Variants in PDZD2 observed in about 807,000 individuals in gnomAD.
PDZD2 encodes PDZ domain containing 2, also known as PDZ domain-containing protein 2.
A neutral mutation model predicts 220.7 loss-of-function variants in PDZD2; 90 were observed. That is an observed-to-expected ratio of 0.41 (90% CI 0.34 to 0.49). The LOEUF is 0.49. Among genes scored for constraint, PDZD2 ranks in the 20% least tolerant of loss-of-function variants. The probability of loss-of-function intolerance (pLI) is 0.28; values close to 1 mark genes in which losing one functional copy is unlikely to be tolerated. For synonymous variants in PDZD2, 1,375 were observed against 1,450.5 expected (o/e 0.95, Z 1.18); for missense variants, 3,174 against 3,608.5 (o/e 0.88, Z 3.08).
In PDZD2 at chr5:32,053,877, A is replaced by C. The variant is rs1471100515; in HGVS notation, c.1894A>C (p.Lys632Gln). 2 of 1,576,414 alleles carry C rather than the reference A, an allele frequency of 1.3e-6. No individual in the cohort carries two copies. Among genetic ancestry groups the C allele is most frequent in the Non-Finnish European group, 8.7e-7 (1 of 1,145,730 alleles). The change falls in exon 10 of 25, where the codon AAA becomes CAA. Residue 632 changes from lysine to glutamine, a missense_variant. By Grantham distance (53) the Lys-to-Gln change is moderately conservative. Around this residue, in one of 4 missense-constraint regions of PDZD2, gnomAD observed 50 missense variants for 109.5 expected, o/e 0.46. Transcript: ENST00000438447. ...NGSAAEDGRLKEGDEILDVNG... is the reference protein window; with the variant it reads ...NGSAAEDGRLQEGDEILDVNG... ...ATCAGCTGCAGAGGACGGAAGACTTAAAGAAGGTAGGGGAAAGCCTCTTGT... is the reference window on the plus strand; with the variant it reads ...ATCAGCTGCAGAGGACGGAAGACTTCAAGAAGGTAGGGGAAAGCCTCTTGT...
chr5:32,074,071 C>T lies in PDZD2; in HGVS notation c.2965C>T (p.Leu989Phe). The T allele has an allele frequency of 1.2e-6, 2 of 1,614,220 alleles. No homozygotes were observed. The highest frequency in any genetic ancestry group is 2.2e-5 in the East Asian group (1 of 44,884). The change falls in exon 18 of 25, where the codon CTC becomes TTC. Residue 989 changes from leucine to phenylalanine, a missense_variant. By Grantham distance (22) the Leu-to-Phe change is conservative. This residue lies in a region of PDZD2 where 1,861 missense variants were observed against 2,001.0 expected (regional missense o/e 0.93). Coordinates refer to ENST00000438447, the MANE Select transcript of PDZD2 (RefSeq NM_178140.4). Reference sequence around the variant, plus strand: ...GGACTGCATTTCACTCCCAGGGGCCCTCCCGGGTCCCATCAGGCCTCTGTC... The same window carrying T: ...GGACTGCATTTCACTCCCAGGGGCCTTCCCGGGTCCCATCAGGCCTCTGTC... The part of the protein sequence containing the change: ...EGDCISLPGA[L>F]PGPIRPLSED...
chr5:31,792,909 G>A (rs1460212109), intron 1 of PDZD2, among the ~76,000 whole-genome samples: 6 of 151,970 alleles, frequency 3.9e-5, no homozygotes. Flanking sequence ...TGTGATCTCA[G>A]GTCACTGCAG....
intron 2 of PDZD2, among the ~76,000 whole-genome samples, chr5:31,898,984 C>A (rs1398898902): frequency 6.6e-6 from 1 of 151,504 alleles, no homozygotes; most frequent in Non-Finnish European, 1.5e-5. Context: ...CCCGCCACCA[C>A]CCCCAGCTAT....
chr5:31,981,873 G>A (rs1287475731), intron 2 of PDZD2, among the ~76,000 whole-genome samples: 1 of 152,090 alleles, frequency 6.6e-6, no homozygotes, highest in African/African-American at 2.4e-5. Flanking sequence ...TTGATGATCC[G>A]GTCCCGAATA....
In PDZD2 at chr5:31,737,630, C is replaced by T. The variant is rs539167752; in HGVS notation, c.-360-61259C>T. 7.2e-5 allele frequency among the ~76,000 whole-genome samples: 11 copies of T among 152,310 alleles called. No individual in the cohort carries two copies. The East Asian group carries it at 1.7e-3, about 24-fold the overall frequency. On this transcript the variant is annotated intron_variant, in intron 1 of 24. Coordinates refer to ENST00000438447, the MANE Select transcript of PDZD2 (RefSeq NM_178140.4). ...TTTTAGCTGTTGTTACAAATTCCTC[C>T]TCCTGTATGTGGCTTATCGGAGTGG...
At chr5:31,810,263 AT>A (rs11418133) in intron 2 of PDZD2, among the ~76,000 whole-genome samples, 2,058 of 132,682 alleles carry the variant, frequency 0.016, 21 homozygotes, top group African/African-American at 0.041. Context: ...TTCTCCAGAG[AT>A]TTTTTTTTTT....
intron 6 of PDZD2, among the ~76,000 whole-genome samples, chr5:32,023,733 G>C (rs1434660689): frequency 6.6e-6 from 1 of 152,196 alleles, no homozygotes; most frequent in African/African-American, 2.4e-5. Context: ...TCTGGGTACA[G>C]ATGGCAGTGG....
chr5:31,771,492 T>G (rs1367271543), intron 1 of PDZD2, among the ~76,000 whole-genome samples: 4 of 152,090 alleles, frequency 2.6e-5, no homozygotes, highest in Non-Finnish European at 5.9e-5. Flanking sequence ...TGTGTAGATT[T>G]GTGTGGTTGG....
intron 1 of PDZD2, among the ~76,000 whole-genome samples, chr5:31,772,478 G>T (rs146409723): frequency 6.6e-6 from 1 of 152,156 alleles, no homozygotes; most frequent in African/African-American, 2.4e-5. Context: ...TGCCCCATCC[G>T]CGAGTTGCAC....
chr5:32,074,821 T>C (rs1741134769), intron 18 of PDZD2, among the ~76,000 whole-genome samples, 178 bp downstream of exon 18: 1 of 152,036 alleles, frequency 6.6e-6, no homozygotes, highest in Non-Finnish European at 1.5e-5. Flanking sequence ...TTTTTTTTTT[T>C]TTTCTTGGAG....
chr5:31,979,357 G>A (rs1223890770), intron 2 of PDZD2, among the ~76,000 whole-genome samples: 1 of 152,044 alleles, frequency 6.6e-6, no homozygotes, highest in East Asian at 1.9e-4. Context: ...ATCACCTGAG[G>A]TCAGGAGTTC....
At position 32,093,020 on chromosome 5, in the gene PDZD2, CAG is replaced by C; in HGVS notation, c.7844_7845del (p.Asn2616Ter). On this transcript the variant is annotated frameshift_variant and splice_region_variant, in exon 21 of 25. Transcript: ENST00000438447. LOFTEE classifies it high-confidence loss of function. ...CTCATTCAGGAAGCGAAAGCACAAT[CAG>C]AGGTGAGTGAAACACAGAAAGCTCA... The C allele has an allele frequency of 6.8e-7, 1 of 1,481,046 alleles. No homozygotes were observed. The highest frequency in any genetic ancestry group is 9.4e-7 in the Non-Finnish European group (1 of 1,059,822). 91.7% of individuals were successfully genotyped at this position (1,481,046 alleles called of 1,614,324 possible).
At chr5:32,067,391 T>C (rs1414164774) in intron 14 of PDZD2, among the ~76,000 whole-genome samples, 14 of 152,178 alleles carry the variant, frequency 9.2e-5, no homozygotes, top group Admixed American at 6.5e-4. Flanking sequence ...TAAGCTGATA[T>C]TTTCCCTGAC....
chr5:31,870,271 T>A (rs1875493), intron 2 of PDZD2, among the ~76,000 whole-genome samples: 2 of 151,982 alleles, frequency 1.3e-5, no homozygotes, highest in Admixed American at 1.3e-4. Flanking sequence ...ATATAAGGTG[T>A]AGAGTCCACC....
chr5:32,004,141 G>A (rs1050389443), intron 5 of PDZD2, among the ~76,000 whole-genome samples: 1 of 151,838 alleles, frequency 6.6e-6, no homozygotes, highest in Non-Finnish European at 1.5e-5. Context: ...AAATAATGAA[G>A]GGGCTTTGAA....
At position 32,088,243 on chromosome 5, in the gene PDZD2, A is replaced by G; in HGVS notation, c.4795A>G (p.Ile1599Val). Residue 1599 changes from isoleucine (I) to valine (V), a missense_variant, in exon 20 of 25, where the codon ATT becomes GTT. By Grantham distance (29) the Ile-to-Val change is conservative (BLOSUM62 3). Transcript: ENST00000438447. This position sits in a 1 kb window ranked among gnomAD's most constrained non-coding sequence, Gnocchi z 4.6. ...TCCTTCGGAGTCAGAAGAGGAACAGATTGAGATTTGTTCCACACGTGGCTG... is the reference window on the plus strand; with the variant it reads ...TCCTTCGGAGTCAGAAGAGGAACAGGTTGAGATTTGTTCCACACGTGGCTG... ...EDPSESEEEQ[I>V]EICSTRGCPN... 6.2e-7 allele frequency: 1 copy of G among 1,614,044 alleles called. No homozygotes were observed. Among genetic ancestry groups the G allele is most frequent in the South Asian group, 1.1e-5 (1 of 91,068 alleles).
chr5:31,885,083 A>G (rs1740326250), intron 2 of PDZD2, among the ~76,000 whole-genome samples: 2 of 152,002 alleles, frequency 1.3e-5, no homozygotes, highest in Admixed American at 6.6e-5. Flanking sequence ...TGTGTAAGTT[A>G]ATGAGTAAAA....
intron 2 of PDZD2, among the ~76,000 whole-genome samples, chr5:31,831,932 AAAG>A: frequency 6.6e-6 from 1 of 151,230 alleles, no homozygotes; most frequent in Non-Finnish European, 1.5e-5. Flanking sequence ...AAAAAAAAAA[AAAG>A]AATAACGATG....
chr5:31,667,235 CAAAAAAAAA>C (rs3031718), intron 1 of PDZD2, among the ~76,000 whole-genome samples: 3 of 52,854 alleles, frequency 5.7e-5, no homozygotes, highest in South Asian at 1.1e-3. Context: ...GACTCCGTCT[CAAAAAAAAA>C]AAAAAAAAAA....
Sources: gnomAD v4.1 joint callset for allele counts (sites outside exome capture counted in the v4.1 genomes callset) on GRCh38, gnomAD v4.1.1 for gene constraint, gnomAD v4.1.1 regional missense constraint, Gnocchi (gnomAD v3.1) non-coding constraint, MANE v1.5 for transcripts, NCBI Gene and HGNC (gene_info 2026-07-23, HGNC 2026-07-21) for gene names.